MYCBP2: variants seen among roughly 807,000 people sequenced by gnomAD.
MYCBP2 encodes the protein MYC binding protein 2.
In MYCBP2, 120 loss-of-function variants were observed where a neutral mutation model predicts 525.3. That is an observed-to-expected ratio of 0.23 (90% confidence interval 0.20 to 0.27). The LOEUF is 0.27. MYCBP2 is among the 10% of genes least tolerant of loss of function. MYCBP2 has a pLI of 1.00. For synonymous variants in MYCBP2, 1,894 were observed against 1,955.8 expected, an observed-to-expected ratio of 0.97 and a Z score of 0.83; for missense variants, 4,149 against 5,657.1, an observed-to-expected ratio of 0.73 and a Z score of 8.55.
At chr13:77,206,512 C>G in intron 24 of MYCBP2, 141 bp downstream of exon 24, 1 of 781,114 alleles carries the variant, frequency 1.3e-6, no homozygotes, top group East Asian at 3.0e-5. Flanking sequence ...GAATTAGCCT[C>G]TTAGAGGATT....
Position 77,188,458 on chromosome 13 carries a change from T to G in MYCBP2, c.4251+493A>C, listed in dbSNP as rs187127260. ...GAGATCAAGACCTTAATTTATACTT[T>G]CATTTATTTACATCATGTTGACTTT... On this transcript the variant is annotated intron_variant, in intron 30 of 82. Coordinates refer to ENST00000544440, the MANE Select transcript of MYCBP2 (RefSeq NM_015057.5). 1.0e-3 allele frequency among the ~76,000 whole-genome samples: 157 copies of G among 152,314 alleles called. 1 individual carries two copies. Among genetic ancestry groups the G allele is most frequent in the Middle Eastern group, 3.4e-3 (1 of 294 alleles).
At position 77,157,961 on chromosome 13, in the gene MYCBP2, C is replaced by T; in HGVS notation, c.6746G>A (p.Gly2249Glu). 1.9e-6 allele frequency: 3 copies of T among 1,612,760 alleles called. No homozygotes were observed. Among genetic ancestry groups the T allele is most frequent in the Non-Finnish European group, 2.5e-6 (3 of 1,179,594 alleles). ...FLDDFIACVP[G>E]SSGGRLARWL... ...CCTTGCAAGCCTTCCACCACTTGAT[C>T]CTGGGACACAGGCAATAAAATCATC... is the stretch of plus-strand genomic sequence containing the variant. Residue 2249 changes from glycine to glutamate, a missense_variant, in exon 45 of 83, where the codon GGA (glycine) becomes GAA (glutamate). Transcript: ENST00000544440.
At chr13:77,209,644 A>T (rs2063740139) in intron 23 of MYCBP2, among the ~76,000 whole-genome samples, 1 of 152,192 alleles carries the variant, frequency 6.6e-6, no homozygotes, top group Non-Finnish European at 1.5e-5. Flanking sequence ...AATGATCACA[A>T]AAGACCACTC....
At chr13:77,317,952 A>G (rs901962924) in intron 1 of MYCBP2, among the ~76,000 whole-genome samples, 9 of 133,578 alleles carry the variant, frequency 6.7e-5, no homozygotes, top group Admixed American at 4.3e-4. Flanking sequence ...ATAACATAAC[A>G]TAACATAACA....
rs557710558 is a variant in MYCBP2 at position 77,076,939 on chromosome 13, A to G, written c.11725-90T>C. The G allele has an allele frequency of 2.9e-5, 34 of 1,159,066 alleles. No individual in the cohort carries two copies. The South Asian group carries it at 4.4e-4, about 15-fold the overall frequency. 71.8% of individuals were successfully genotyped at this position (1,159,066 alleles called of 1,614,324 possible). A position where few individuals can be genotyped will look rare whatever the true frequency, so the allele number is the denominator to read the frequency against. On this transcript the variant is annotated intron_variant, in intron 67 of 82. Transcript: ENST00000544440. ...CTCATTAGCTGATTCCGCAGGTTTT[A>G]TAATATGCTACTCTTGCTAATATAC... is the stretch of plus-strand genomic sequence containing the variant.
chr13:77,199,917 G>A, intron 26 of MYCBP2, among the ~76,000 whole-genome samples: 1 of 152,148 alleles, frequency 6.6e-6, no homozygotes, highest in Non-Finnish European at 1.5e-5. Context: ...AAGACCAAAA[G>A]TCGATAAAAC....
At chr13:77,078,957 T>G in intron 65 of MYCBP2, 68 bp from the exon 66 acceptor site, 1 of 1,299,494 alleles carries the variant, frequency 7.7e-7, no homozygotes, top group Non-Finnish European at 1.1e-6. Context: ...TGGTTTCTCA[T>G]GACCTACTAA....
At position 77,212,126 on chromosome 13, in the gene MYCBP2, G is replaced by A; in HGVS notation, c.3092C>T (p.Pro1031Leu). Residue 1031 changes from proline to leucine, a missense_variant, in exon 22 of 83, where the codon CCA (proline) becomes CTA (leucine). Around this residue, in one of 21 missense-constraint regions of MYCBP2, gnomAD observed 620 missense variants for 795.5 expected, o/e 0.78. Transcript: ENST00000544440. ...GQLGRPILDV[P>L]YWNAKPAPMP... ...GGGAGCTGGCTTTGCATTCCAATAT[G>A]GCACATCCAAAATTGGTCTGCCCAG... 1 of 1,614,004 alleles carries A rather than the reference G, an allele frequency of 6.2e-7. No individual in the cohort carries two copies. Among genetic ancestry groups the A allele is most frequent in the South Asian group, 1.1e-5 (1 of 91,062 alleles).
At position 77,055,729 on chromosome 13, in the gene MYCBP2, A is replaced by G; in HGVS notation, c.13476T>C (p.Asp4492=). 6.2e-7 allele frequency: 1 copy of G among 1,613,732 alleles called. No homozygotes were observed. Among genetic ancestry groups the G allele is most frequent in the Non-Finnish European group, 8.5e-7 (1 of 1,179,858 alleles). Residue 4492 remains aspartate (D), a synonymous_variant, in exon 80 of 83, where the codon GAT becomes GAC. Transcript: ENST00000544440. ...INHIVLKDLL[D]PIKELYEDVR... ...CATCCTCATAGAGTTCTTTTATTGG[A>G]TCAAGTAGGTCTTTTAGTACTATGT...
intron 17 of MYCBP2, among the ~76,000 whole-genome samples, chr13:77,240,365 T>C (rs1277945937): frequency 2.0e-5 from 3 of 152,132 alleles, no homozygotes; most frequent in Non-Finnish European, 4.4e-5. Context: ...CCCAACACTT[T>C]GGGAGGCTGA....
chr13:77,323,946 G>A (rs1207426755), intron 1 of MYCBP2, among the ~76,000 whole-genome samples: 1 of 151,966 alleles, frequency 6.6e-6, no homozygotes, highest in African/African-American at 2.4e-5. Context: ...CTGTCCCTGA[G>A]ATCCCTTTGA....
Position 77,111,583 on chromosome 13 carries a change from A to AT in MYCBP2, c.8140+9789dup, listed in dbSNP as rs33938909. On this transcript the variant is annotated intron_variant, in intron 55 of 82. Coordinates refer to ENST00000544440, the MANE Select transcript of MYCBP2 (RefSeq NM_015057.5). Reference sequence around the variant, plus strand: ...AGGTGCAGCCCTCAATGCTTGGCTAATTTTTTTTTTTTTTCTTTTAAGTAG... The same window carrying AT: ...AGGTGCAGCCCTCAATGCTTGGCTAATTTTTTTTTTTTTTTCTTTTAAGTAG... 2.2e-3 allele frequency among the ~76,000 whole-genome samples: 329 copies of AT among 147,424 alleles called. 2 individuals are homozygous for AT. The highest frequency in any genetic ancestry group is 7.5e-3 in the African/African-American group (302 of 40,106).
intron 5 of MYCBP2, among the ~76,000 whole-genome samples, chr13:77,272,811 C>T (rs967229232): frequency 1.4e-4 from 22 of 152,174 alleles, no homozygotes; most frequent in Non-Finnish European, 2.8e-4. Flanking sequence ...TGAGGCATCC[C>T]TTCCACCTGC....
rs751670927 is a variant in MYCBP2 at position 77,081,701 on chromosome 13, G to A, written c.11194-50C>T. 55 of 1,543,810 alleles carry A rather than the reference G, an allele frequency of 3.6e-5. No homozygotes were observed. Among genetic ancestry groups the A allele is most frequent in the African/African-American group, 1.5e-4 (11 of 72,414 alleles). ...TATGATACTTAAAAGCAAATCTTTC[G>A]TGATGATAAAACAAACAGGTATAAG... On this transcript the variant is annotated intron_variant, in intron 64 of 82. Coordinates refer to ENST00000544440, the MANE Select transcript of MYCBP2 (RefSeq NM_015057.5). This position sits in a 1 kb window ranked among gnomAD's most constrained non-coding sequence, Gnocchi z 4.6.
At chr13:77,303,107 G>A (rs1247972089) in intron 1 of MYCBP2, among the ~76,000 whole-genome samples, 4 of 152,250 alleles carry the variant, frequency 2.6e-5, no homozygotes, top group African/African-American at 9.6e-5. Flanking sequence ...GGCCAAGGCA[G>A]GTGGATCATG....
chr13:77,283,241 A>T (rs888410275), intron 3 of MYCBP2, among the ~76,000 whole-genome samples: 1 of 152,206 alleles, frequency 6.6e-6, no homozygotes, highest in Non-Finnish European at 1.5e-5. Flanking sequence ...AATCAATTAC[A>T]TGGCACATAA....
chr13:77,213,642 T>C (rs2064359331), intron 21 of MYCBP2, among the ~76,000 whole-genome samples: 1 of 152,230 alleles, frequency 6.6e-6, no homozygotes, highest in East Asian at 1.9e-4. Context: ...AAAAATGTGT[T>C]AGATACCTGG....
At chr13:77,099,492 G>A in intron 55 of MYCBP2, 1 of 178,678 alleles carries the variant, frequency 5.6e-6, no homozygotes, top group Non-Finnish European at 1.2e-5. Flanking sequence ...CTGAATTTAT[G>A]CATAGACACA....
At chr13:77,256,881 G>A (rs1017684846) in intron 14 of MYCBP2, among the ~76,000 whole-genome samples, 2 of 152,024 alleles carry the variant, frequency 1.3e-5, no homozygotes, top group Admixed American at 6.6e-5. Context: ...CCACTGCTAT[G>A]GATATACCCA....
Sources: allele counts gnomAD v4.1 joint callset (sites outside exome capture counted in the v4.1 genomes callset), GRCh38; gene constraint gnomAD v4.1.1; regional missense constraint gnomAD v4.1.1; non-coding constraint Gnocchi (gnomAD v3.1); transcripts MANE v1.5; gene names NCBI Gene and HGNC (gene_info 2026-07-23, HGNC 2026-07-21).